The following TMF1 variants were observed in gnomAD, a reference collection of about 807,000 sequenced individuals.
TMF1 encodes the protein TATA element modulatory factor.
A neutral mutation model predicts 126.5 loss-of-function variants in TMF1; 71 were observed. The observed-to-expected ratio is 0.56, with a 90% confidence interval of 0.46 to 0.68. TMF1 has a LOEUF of 0.68. Ranked by LOEUF, TMF1 falls within the 30% of genes least tolerant of loss-of-function variation. TMF1 has a pLI of 0.00. For synonymous variants in TMF1, 461 were observed against 430.5 expected, an observed-to-expected ratio of 1.07 and a Z score of -0.88; for missense variants, 1,259 against 1,253.2, an observed-to-expected ratio of 1.00 and a Z score of -0.07.
chr3:69,028,440 T>C (rs1450376489), intron 11 of TMF1, 145 bp from the exon 12 acceptor site: 2 of 580,828 alleles, frequency 3.4e-6, no homozygotes, highest in Non-Finnish European at 5.9e-6. Context: ...TTTCCAACAG[T>C]GTGTTCCAGA....
At position 69,038,685 on chromosome 3, in the gene TMF1, T is replaced by C. The variant is rs2091846493; in HGVS notation, c.2030A>G (p.Lys677Arg). 10 of 1,613,540 alleles carry C rather than the reference T, an allele frequency of 6.2e-6. No individual in the cohort carries two copies. The highest frequency in any genetic ancestry group is 1.6e-4 in the Middle Eastern group (1 of 6,080). ...LTDLHKANAA[K>R]DSEAQEAALS... ...AGCAGCTTCCTGTGCCTCACTATCCTTTGCAGCATTGGCTTTGTGAAGATC... is the reference window on the plus strand; with the variant it reads ...AGCAGCTTCCTGTGCCTCACTATCCCTTGCAGCATTGGCTTTGTGAAGATC... The change falls in exon 8 of 17, where the codon AAG becomes AGG. Residue 677 changes from lysine to arginine, a missense_variant. Lys to Arg is a conservative substitution (Grantham distance 26). Transcript: ENST00000398559.
rs559219231 is a variant in TMF1, at chr3:69,025,635, C to T, written c.2937G>A (p.Met979Ile). 2 of 1,614,058 alleles carry T rather than the reference C, an allele frequency of 1.2e-6. No individual in the cohort carries two copies. Among genetic ancestry groups the T allele is most frequent in the African/African-American group, 1.3e-5 (1 of 75,058 alleles). The change falls in exon 15 of 17, where the codon ATG (methionine) becomes ATA (isoleucine). Residue 979 changes from methionine (M) to isoleucine (I), a missense_variant. Coordinates refer to ENST00000398559, the MANE Select transcript of TMF1 (RefSeq NM_007114.3). ...TTTCAATTATGCTTGATCCTGCTCCCATCCTTACAGCATCATAAAGATTGC... is the reference window on the plus strand; with the variant it reads ...TTTCAATTATGCTTGATCCTGCTCCTATCCTTACAGCATCATAAAGATTGC... ...NGSNLYDAVRMGAGSSIIENL... is the reference protein window; with the variant it reads ...NGSNLYDAVRIGAGSSIIENL...
rs116084337 is a variant in TMF1 at position 69,047,327 on chromosome 3, T to C, written c.1347+31A>G. ...AATGATTTAATCTCCAAAAAGCACATCTAAAAATCCCTTCCACTTACTAGA... is the reference window on the plus strand; with the variant it reads ...AATGATTTAATCTCCAAAAAGCACACCTAAAAATCCCTTCCACTTACTAGA... On this transcript the variant is annotated intron_variant, in intron 2 of 16. Coordinates refer to ENST00000398559, the MANE Select transcript of TMF1 (RefSeq NM_007114.3). The C allele has an allele frequency of 6.1e-4, 928 of 1,519,960 alleles. 6 individuals are homozygous for C. In the African/African-American group the frequency reaches 0.011, roughly 18 times the overall value. 94.2% of individuals were successfully genotyped at this position (1,519,960 alleles called of 1,614,324 possible).
chr3:69,040,115 G>A (rs971747872), intron 5 of TMF1, among the ~76,000 whole-genome samples: 2 of 152,118 alleles, frequency 1.3e-5, no homozygotes, highest in African/African-American at 2.4e-5. Context: ...CATGAAGAAA[G>A]TAACAAATTC....
intron 13 of TMF1, 80 bp downstream of exon 13, chr3:69,027,820 G>T: frequency 1.4e-6 from 1 of 725,248 alleles, no homozygotes. Flanking sequence ...ATAAAGCATA[G>T]CTAAAATTAA....
chr3:69,044,951 T>C (rs1357721311), intron 2 of TMF1, among the ~76,000 whole-genome samples: 1 of 152,224 alleles, frequency 6.6e-6, no homozygotes, highest in East Asian at 1.9e-4. Context: ...TGTATAAGAA[T>C]ACTTTATGTA....
chr3:69,034,082 G>A (rs1341144550), intron 9 of TMF1: 1 of 164,950 alleles, frequency 6.1e-6, no homozygotes, highest in African/African-American at 2.4e-5. Context: ...CAAAGCATTG[G>A]GATTATAGGC....
At chr3:69,035,447 C>A (rs1473986156) in intron 8 of TMF1, 1 of 200,090 alleles carries the variant, frequency 5.0e-6, no homozygotes, top group African/African-American at 2.3e-5. Context: ...AGGTGCTATA[C>A]GGATTATAAA....
chr3:69,029,045 T>TA (rs984237805), intron 11 of TMF1, among the ~76,000 whole-genome samples: 36 of 151,462 alleles, frequency 2.4e-4, no homozygotes, highest in South Asian at 8.4e-4. Flanking sequence ...TTTATTTATT[T>TA]TTTTTTTTTT....
intron 4 of TMF1, among the ~76,000 whole-genome samples, chr3:69,043,455 C>G (rs939790217): frequency 6.6e-6 from 1 of 152,132 alleles, no homozygotes; most frequent in Non-Finnish European, 1.5e-5. Context: ...CAGGCGCACA[C>G]CAGCATGACC....
chr3:69,021,523 CAG>C lies in TMF1; in HGVS notation c.*1652_*1653del, dbSNP rs1169960464. ...AAGAATATTTATTAACACTACCAAT[CAG>C]AGATCCAATGACAGAAACACTGTCT... On this transcript the variant is annotated 3_prime_UTR_variant, in exon 17 of 17. Coordinates refer to ENST00000398559, the MANE Select transcript of TMF1 (RefSeq NM_007114.3). The C allele has an allele frequency of 3.9e-5, 6 of 152,420 alleles. No homozygotes were observed. The highest frequency in any genetic ancestry group is 9.7e-5 in the African/African-American group (4 of 41,394). The allele number at this position is 152,420 out of a possible 1,614,324, so 9.4% of individuals were successfully genotyped here.
rs1196579834 is a variant in TMF1, at chr3:69,020,589, T to C, written c.*2588A>G. ...TATTTTGCAAGAATATGGGTAGAGA[T>C]GTTTTAATGACAAACAGCAAAGTAT... On this transcript the variant is annotated 3_prime_UTR_variant, in exon 17 of 17. Transcript: ENST00000398559. 1 of 152,188 alleles carries C rather than the reference T, an allele frequency of 6.6e-6. No homozygotes were observed. The highest frequency in any genetic ancestry group is 2.4e-5 in the African/African-American group (1 of 41,456). The allele number at this position is 152,188 out of a possible 1,614,324, so 9.4% of individuals were successfully genotyped here. A position where few individuals can be genotyped will look rare whatever the true frequency, so the allele number is the denominator to read the frequency against.
chr3:69,034,933 T>C, intron 9 of TMF1, 90 bp downstream of exon 9: 2 of 1,209,940 alleles, frequency 1.7e-6, no homozygotes, highest in Non-Finnish European at 2.4e-6. Context: ...ATCCTCTCAA[T>C]TCCATGAACA....
rs970838775 is a variant in TMF1, at chr3:69,029,449, A to T, written c.2594+366T>A. Among the ~76,000 whole-genome samples the T allele has an allele frequency of 4.9e-5, 7 of 144,318 alleles. No homozygotes were observed. The East Asian group carries it at 1.0e-3, about 21-fold the overall frequency. 94.7% of individuals were successfully genotyped at this position (144,318 alleles called of 152,430 possible). On this transcript the variant is annotated intron_variant, in intron 11 of 16. Coordinates refer to ENST00000398559, the MANE Select transcript of TMF1 (RefSeq NM_007114.3). The stretch of plus-strand genomic sequence containing the variant: ...CTTTGTTTATTTACTTATTTAATTT[A>T]TTTTTTTTTTTTTGAGACCGAGTCT...
chr3:69,023,358 A>T, intron 16 of TMF1, 38 bp from the exon 17 acceptor site: 2 of 1,512,582 alleles, frequency 1.3e-6, no homozygotes, highest in South Asian at 2.4e-5. Context: ...TAAAATAACT[A>T]CACAGAACAT....
At chr3:69,031,195 A>T (rs1056458415) in intron 10 of TMF1, among the ~76,000 whole-genome samples, 1 of 152,328 alleles carries the variant, frequency 6.6e-6, no homozygotes, top group East Asian at 1.9e-4. Context: ...AAATGACAGA[A>T]TTTTAGAAAC....
At chr3:69,048,723 G>T in intron 1 of TMF1, 161 bp from the exon 2 acceptor site, 1 of 637,298 alleles carries the variant, frequency 1.6e-6, no homozygotes. Context: ...TCATTAAGTA[G>T]TTTCCAAGTT....
chr3:69,045,743 C>T (rs2314230), intron 2 of TMF1, among the ~76,000 whole-genome samples: 53,278 of 151,642 alleles, frequency 0.35, 9,404 homozygotes, highest in East Asian at 0.44. Context: ...CAAGACTCCG[C>T]CTCAAAAAAT....
At chr3:69,039,353 C>T (rs1346398397) in intron 6 of TMF1, among the ~76,000 whole-genome samples, 198 bp downstream of exon 6, 1 of 152,192 alleles carries the variant, frequency 6.6e-6, no homozygotes, top group African/African-American at 2.4e-5. Flanking sequence ...CTGCCTGTCG[C>T]AGCCTCCGAA....
Sources: gnomAD v4.1 joint callset for allele counts (sites outside exome capture counted in the v4.1 genomes callset) on GRCh38, gnomAD v4.1.1 for gene constraint, MANE v1.5 for transcripts, NCBI Gene and HGNC (gene_info 2026-07-23, HGNC 2026-07-21) for gene names.